TSPOAP1: variants seen among roughly 807,000 people sequenced by gnomAD.
TSPOAP1 encodes the protein TSPO associated protein 1.
Under a neutral mutation model 197.0 loss-of-function variants are expected in TSPOAP1, and 87 were observed. That is an observed-to-expected ratio of 0.44 (90% CI 0.37 to 0.53). TSPOAP1 has a LOEUF of 0.53. Ranked by LOEUF, TSPOAP1 falls within the 20% of genes least tolerant of loss-of-function variation. The pLI is 0.00. For missense variants in TSPOAP1, 2,174 were observed against 2,411.3 expected (o/e 0.90, Z 2.06); for synonymous variants, 913 against 998.9 (o/e 0.91, Z 1.62).
At chr17:58,305,336 C>T (rs377363761) in intron 29 of TSPOAP1, 51 bp downstream of exon 29, 26 of 1,598,008 alleles carry the variant, frequency 1.6e-5, no homozygotes, top group Non-Finnish European at 1.9e-5. Context: ...TCCCCCTGTC[C>T]GAAGTCTGGG....
In TSPOAP1 at chr17:58,324,979, C is replaced by A; in HGVS notation, c.774G>T (p.Val258=). The A allele has an allele frequency of 1.3e-6, 2 of 1,537,026 alleles. No homozygotes were observed. Among genetic ancestry groups the A allele is most frequent in the Non-Finnish European group, 8.8e-7 (1 of 1,142,668 alleles). The change falls in exon 5 of 32, where the codon GTG becomes GTT. Residue 258 remains valine (V), a synonymous_variant. Transcript: ENST00000343736. The surrounding 1 kb of genome is among the most constrained non-coding windows in gnomAD (Gnocchi z 5.8). ...VGKEGPQWLH[V]RDFDRLLRES... Reference sequence around the variant, plus strand: ...CGCGCAGCAGCCGATCGAAGTCCCGCACGTGGAGCCACTGGGGACCCTCCT... The same window carrying A: ...CGCGCAGCAGCCGATCGAAGTCCCGAACGTGGAGCCACTGGGGACCCTCCT...
chr17:58,327,501 C>G, intron 1 of TSPOAP1, 87 bp downstream of exon 1: 1 of 1,381,948 alleles, frequency 7.2e-7, no homozygotes, highest in Non-Finnish European at 1.0e-6. Flanking sequence ...ATTGGGGATG[C>G]ATACCTCGCC....
rs982947548 is a variant in TSPOAP1 at position 58,324,037 on chromosome 17, C to A, written c.943-492G>T. Reference sequence around the variant, plus strand: ...GACCCTTCTCCTGGCTTCCCCCAAGCCCACCCTACCACACCTTCCGATTAT... The same window carrying A: ...GACCCTTCTCCTGGCTTCCCCCAAGACCACCCTACCACACCTTCCGATTAT... On this transcript the variant is annotated intron_variant, in intron 5 of 31. Transcript: ENST00000343736. This position sits in a 1 kb window ranked among gnomAD's most constrained non-coding sequence, Gnocchi z 5.8. Among the ~76,000 whole-genome samples, 6 of 152,204 alleles carry A rather than the reference C, an allele frequency of 3.9e-5. No individual in the cohort carries two copies. The highest frequency in any genetic ancestry group is 5.9e-5 in the Non-Finnish European group (4 of 68,032).
rs985943763 is a variant in TSPOAP1, at chr17:58,304,316, AG to A, written c.*32+21del. 7 of 1,600,092 alleles carry A rather than the reference AG, an allele frequency of 4.4e-6. No individual in the cohort carries two copies. Among genetic ancestry groups the A allele is most frequent in the South Asian group, 1.1e-5 (1 of 90,654 alleles). ...GTCAAGTGGGGGTGGACGGTCACACAGGGGGGCAGTCCCCCACTTACATGTT... is the reference window on the plus strand; with the variant it reads ...GTCAAGTGGGGGTGGACGGTCACACAGGGGGCAGTCCCCCACTTACATGTT... On this transcript the variant is annotated intron_variant, in intron 31 of 31. Coordinates refer to ENST00000343736, the MANE Select transcript of TSPOAP1 (RefSeq NM_004758.4). This position sits in a 1 kb window ranked among gnomAD's most constrained non-coding sequence, Gnocchi z 4.2.
chr17:58,308,453 C>T (rs760572098), intron 22 of TSPOAP1, 88 bp downstream of exon 22: 12 of 1,477,734 alleles, frequency 8.1e-6, no homozygotes, highest in Middle Eastern at 2.5e-4. Flanking sequence ...AGGCAGGCAG[C>T]GTGGAATGGG....
In TSPOAP1 at chr17:58,324,947, T is replaced by G. The variant is rs1202218705; in HGVS notation, c.806A>C (p.Gln269Pro). ...CCTCTGCAGCCGCAGCACCTCCCGC[T>G]GGGACTCGCGCAGCAGCCGATCGAA... ...RDFDRLLRES[Q>P]REVLRLQRQI... Residue 269 changes from glutamine (Q) to proline (P), a missense_variant, in exon 5 of 32, where the codon CAG (glutamine) becomes CCG (proline). This residue lies in a region of TSPOAP1 where 1,933 missense variants were observed against 2,139.0 expected (regional missense o/e 0.90). Transcript: ENST00000343736. This position sits in a 1 kb window ranked among gnomAD's most constrained non-coding sequence, Gnocchi z 5.8. The G allele has an allele frequency of 6.5e-7, 1 of 1,540,270 alleles. No homozygotes were observed. The highest frequency in any genetic ancestry group is 2.0e-5 in the Admixed American group (1 of 50,818).
At chr17:58,325,460 T>C (rs1971556222) in intron 4 of TSPOAP1, 74 bp downstream of exon 4, 2 of 1,576,524 alleles carry the variant, frequency 1.3e-6, no homozygotes, top group Non-Finnish European at 1.7e-6. Context: ...ATTAACATCT[T>C]GTCTGCATCC....
rs568041767 is a variant in TSPOAP1, at chr17:58,326,869, C to T, written c.334-79G>A. On this transcript the variant is annotated intron_variant, in intron 1 of 31. Transcript: ENST00000343736. The surrounding 1 kb of genome is among the most constrained non-coding windows in gnomAD (Gnocchi z 4.7). ...AGAGCCTTCCCTGTGGAAGCATCCA[C>T]CATCCATGGTCCAAGGAGACATGGA... 2.1e-5 allele frequency: 25 copies of T among 1,207,372 alleles called. No homozygotes were observed. The highest frequency in any genetic ancestry group is 3.1e-5 in the Non-Finnish European group (25 of 815,902). The allele number at this position is 1,207,372 out of a possible 1,614,324, so 74.8% of individuals were successfully genotyped here.
intron 24 of TSPOAP1, among the ~76,000 whole-genome samples, chr17:58,307,212 C>T (rs1013767270): frequency 6.6e-6 from 1 of 152,218 alleles, no homozygotes; most frequent in Non-Finnish European, 1.5e-5. Context: ...GAATGGATCT[C>T]CTTAGTCTCA....
At position 58,326,269 on chromosome 17, in the gene TSPOAP1, C is replaced by T. The variant is rs771131650; in HGVS notation, c.570+24G>A. On this transcript the variant is annotated intron_variant, in intron 3 of 31. Transcript: ENST00000343736. The surrounding 1 kb of genome is among the most constrained non-coding windows in gnomAD (Gnocchi z 4.7). ...CCCTCTTCCTTGGTCACCCAGCCTCCGCCCAGCAGCCTCCTTTCCTCACCA... is the reference window on the plus strand; with the variant it reads ...CCCTCTTCCTTGGTCACCCAGCCTCTGCCCAGCAGCCTCCTTTCCTCACCA... 9.9e-6 allele frequency: 16 copies of T among 1,612,462 alleles called. No individual in the cohort carries two copies. Among genetic ancestry groups the T allele is most frequent in the East Asian group, 8.9e-5 (4 of 44,832 alleles).
intron 11 of TSPOAP1, 50 bp from the exon 12 acceptor site, chr17:58,320,179 G>A (rs1466152417): frequency 6.2e-7 from 1 of 1,612,942 alleles, no homozygotes; most frequent in Non-Finnish European, 8.5e-7. Flanking sequence ...GAGCGCTGTG[G>A]GTTGCTAACC....
rs1971440761 is a variant in TSPOAP1 at position 58,322,774 on chromosome 17, C to T, written c.1197G>A (p.Val399=). ...CCCTCAGCTCCGCATTCTCCCACTC[C>T]ACCTGGCGAGGGGGCAGTGACAGGG... is the stretch of plus-strand genomic sequence containing the variant. ...LSGRATEKEQ[V]EWENAELRGQ... The change falls in exon 9 of 32, where the codon GTG becomes GTA. Residue 399 remains valine, a splice_region_variant and synonymous_variant. Coordinates refer to ENST00000343736, the MANE Select transcript of TSPOAP1 (RefSeq NM_004758.4). The surrounding 1 kb of genome is among the most constrained non-coding windows in gnomAD (Gnocchi z 5.0). The T allele has an allele frequency of 1.2e-6, 2 of 1,612,850 alleles. No homozygotes were observed. Among genetic ancestry groups the T allele is most frequent in the Non-Finnish European group, 1.7e-6 (2 of 1,179,946 alleles).
At position 58,304,290 on chromosome 17, in the gene TSPOAP1, G is replaced by T; in HGVS notation, c.*32+48C>A. ...AGACAAAGGAGCACTGTCTGATTAT[G>T]GTCAAGTGGGGGTGGACGGTCACAC... On this transcript the variant is annotated intron_variant, in intron 31 of 31. Transcript: ENST00000343736. The surrounding 1 kb of genome is among the most constrained non-coding windows in gnomAD (Gnocchi z 4.2). The T allele has an allele frequency of 6.7e-7, 1 of 1,500,608 alleles. No individual in the cohort carries two copies. The highest frequency in any genetic ancestry group is 9.3e-7 in the Non-Finnish European group (1 of 1,078,466). The allele number at this position is 1,500,608 out of a possible 1,614,324, so 93.0% of individuals were successfully genotyped here.
At position 58,304,456 on chromosome 17, in the gene TSPOAP1, G is replaced by C. The variant is rs372039207; in HGVS notation, c.5545-57C>G. 1 of 1,484,422 alleles carries C rather than the reference G, an allele frequency of 6.7e-7. No individual in the cohort carries two copies. Among genetic ancestry groups the C allele is most frequent in the East Asian group, 2.3e-5 (1 of 44,250 alleles). The allele number at this position is 1,484,422 out of a possible 1,614,324, so 92.0% of individuals were successfully genotyped here. On this transcript the variant is annotated intron_variant, in intron 30 of 31. Coordinates refer to ENST00000343736, the MANE Select transcript of TSPOAP1 (RefSeq NM_004758.4). The surrounding 1 kb of genome is among the most constrained non-coding windows in gnomAD (Gnocchi z 4.2). ...TTACCGACAGACCCGCACCTTCTCC[G>C]CCCGGCCACCAGGTGGCCCTGCGCA...
At position 58,324,772 on chromosome 17, in the gene TSPOAP1, T is replaced by TTCAAAAA; in HGVS notation, c.942+38_942+39insTTTTTGA. 1 of 1,384,586 alleles carries TTCAAAAA rather than the reference T, an allele frequency of 7.2e-7. No homozygotes were observed. Among genetic ancestry groups the TTCAAAAA allele is most frequent in the Non-Finnish European group, 9.4e-7 (1 of 1,066,810 alleles). The allele number at this position is 1,384,586 out of a possible 1,614,324, so 85.8% of individuals were successfully genotyped here. On this transcript the variant is annotated intron_variant, in intron 5 of 31. Transcript: ENST00000343736. The surrounding 1 kb of genome is among the most constrained non-coding windows in gnomAD (Gnocchi z 5.8). ...CCGGTGGTCGTTCCCCCCACCCATC[T>TTCAAAAA]GCACGCACCCACACACCTGCCCTTG...
chr17:58,314,179 A>G (rs948146598), intron 16 of TSPOAP1, among the ~76,000 whole-genome samples: 1 of 151,798 alleles, frequency 6.6e-6, no homozygotes, highest in Non-Finnish European at 1.5e-5. Context: ...CCTCACCTCC[A>G]CCCTCTCTCT....
Position 58,327,672 on chromosome 17 carries a change from A to T in TSPOAP1, c.249T>A (p.Cys83Ter), listed in dbSNP as rs769229983. 1 of 1,613,726 alleles carries T rather than the reference A, an allele frequency of 6.2e-7. No individual in the cohort carries two copies. The highest frequency in any genetic ancestry group is 8.5e-7 in the Non-Finnish European group (1 of 1,180,030). Reference sequence around the variant, plus strand: ...ATGCTTGCTGGCCCAGGCTGGGCAGACAAGCCTCTGCTCCTTCAGGGTCAG... The same window carrying T: ...ATGCTTGCTGGCCCAGGCTGGGCAGTCAAGCCTCTGCTCCTTCAGGGTCAG... Reference protein sequence around the residue: ...GGTDPEGAEACLPSLGQQASS... With the variant: ...GGTDPEGAEA Residue 83 changes from cysteine to a stop codon, truncating the protein, a stop_gained, in exon 1 of 32, where the codon TGT (cysteine) becomes TGA (stop). Coordinates refer to ENST00000343736, the MANE Select transcript of TSPOAP1 (RefSeq NM_004758.4). LOFTEE classifies it high-confidence loss of function.
chr17:58,312,261 G>A lies in TSPOAP1; in HGVS notation c.2560C>T (p.Pro854Ser), dbSNP rs576104595. The A allele has an allele frequency of 2.2e-5, 35 of 1,612,634 alleles. No individual in the cohort carries two copies. Among genetic ancestry groups the A allele is most frequent in the Middle Eastern group, 3.3e-4 (2 of 6,056 alleles). Residue 854 changes from proline to serine, a missense_variant, in exon 17 of 32, where the codon CCC becomes TCC. Around this residue, in one of 5 missense-constraint regions of TSPOAP1, gnomAD observed 1,933 missense variants for 2,139.0 expected, o/e 0.90. Transcript: ENST00000343736. ...AGGGCCTGGACAGAAATGTGAAGGG[G>A]CCCGGCCCACAGGTCCAGGTTCTCC... ...VLENLDLWAGPLHISVQALTS... is the reference protein window; with the variant it reads ...VLENLDLWAGSLHISVQALTS...
At chr17:58,306,059 C>T (rs180792016) in intron 26 of TSPOAP1, among the ~76,000 whole-genome samples, 194 bp from the exon 27 acceptor site, 11 of 152,340 alleles carry the variant, frequency 7.2e-5, no homozygotes, top group African/African-American at 2.4e-4. Context: ...CTGGGATTCA[C>T]GGATTTTATA....
Sources: allele counts gnomAD v4.1 joint callset (sites outside exome capture counted in the v4.1 genomes callset), GRCh38; gene constraint gnomAD v4.1.1; regional missense constraint gnomAD v4.1.1; non-coding constraint Gnocchi (gnomAD v3.1); transcripts MANE v1.5; gene names NCBI Gene and HGNC (gene_info 2026-07-23, HGNC 2026-07-21).